The following ACVR1 variants were observed in gnomAD, a reference collection of about 807,000 sequenced individuals.
ACVR1 encodes activin receptor type-1.
A neutral mutation model predicts 57.1 loss-of-function variants in ACVR1; 38 were observed. The observed-to-expected ratio is 0.67, with a 90% confidence interval of 0.51 to 0.87. The LOEUF (loss-of-function observed/expected upper bound fraction) is 0.87. Among genes scored for constraint, ACVR1 ranks in the 40% least tolerant of loss-of-function variants. ACVR1 has a pLI of 0.00. For synonymous variants in ACVR1, 212 were observed against 228.1 expected (o/e 0.93, Z 0.63); for missense variants, 463 against 638.2 (o/e 0.73, Z 2.96).
At chr2:157,770,551 G>A in intron 6 of ACVR1, 37 bp from the exon 7 acceptor site, 1 of 1,612,934 alleles carries the variant, frequency 6.2e-7, no homozygotes, top group Non-Finnish European at 8.5e-7. Context: ...CAGAACAGTA[G>A]TCATTTTGGA....
chr2:157,741,499 C>T (rs903066718), intron 9 of ACVR1, among the ~76,000 whole-genome samples: 1 of 151,720 alleles, frequency 6.6e-6, no homozygotes, highest in Admixed American at 6.6e-5. Flanking sequence ...GTGGTGTGTG[C>T]GTGTAGTCCA....
At chr2:157,839,277 C>T (rs1045109983) in intron 1 of ACVR1, among the ~76,000 whole-genome samples, 2 of 152,206 alleles carry the variant, frequency 1.3e-5, no homozygotes, top group East Asian at 3.9e-4. Context: ...TCTATTGTCC[C>T]ACCCTGCAGG....
rs1686471471 is a variant in ACVR1 at position 157,780,580 on chromosome 2, G to A, written c.88C>T (p.Pro30Ser). 6.2e-7 allele frequency: 1 copy of A among 1,613,726 alleles called. No homozygotes were observed. The highest frequency in any genetic ancestry group is 8.5e-7 in the Non-Finnish European group (1 of 1,179,990). ...SMEDEKPKVN[P>S]KLYMCVCEGL... is the part of the protein sequence containing the mutation. ...TCACACACACACATGTAGAGTTTGG[G>A]GTTGACCTTGGGCTTCTCATCTGCA... The change falls in exon 4 of 11, where the codon CCC becomes TCC. Residue 30 changes from proline (P) to serine (S), a missense_variant. Physicochemically the swap from Pro to Ser is moderately conservative, Grantham distance 74 (BLOSUM62 -1). Transcript: ENST00000434821.
At chr2:157,835,969 G>A (rs1160129081) in intron 1 of ACVR1, among the ~76,000 whole-genome samples, 1 of 152,168 alleles carries the variant, frequency 6.6e-6, no homozygotes, top group African/African-American at 2.4e-5. Flanking sequence ...GAATACCATG[G>A]AGCCTTTCAA....
chr2:157,858,193 G>A (rs1160707250), intron 1 of ACVR1, among the ~76,000 whole-genome samples: 1 of 152,080 alleles, frequency 6.6e-6, no homozygotes, highest in Non-Finnish European at 1.5e-5. Flanking sequence ...GGGTTCTCAG[G>A]GCTACCTGGG....
chr2:157,778,191 G>T lies in ACVR1; in HGVS notation c.483C>A (p.Asp161Glu), dbSNP rs766295467. Residue 161 changes from aspartate to glutamate, a missense_variant, in exon 5 of 11, where the codon GAC becomes GAA. By Grantham distance (45) the Asp-to-Glu change is conservative (BLOSUM62 2). Around this residue, in one of 3 missense-constraint regions of ACVR1, gnomAD observed 203 missense variants for 235.5 expected, o/e 0.86. Coordinates refer to ENST00000434821, the MANE Select transcript of ACVR1 (RefSeq NM_001111067.4). ...GCCCTTCGATAGTGCCATACTCCAC[G>T]TCTCGGGGATTGAGGCGTTCTTGGT... ...RRNQERLNPR[D>E]VEYGTIEGLI... The T allele has an allele frequency of 6.2e-7, 1 of 1,613,968 alleles. No individual in the cohort carries two copies. Among genetic ancestry groups the T allele is most frequent in the Admixed American group, 1.7e-5 (1 of 60,006 alleles).
rs1469813721 is a variant in ACVR1 at position 157,876,284 on chromosome 2, C to T, written c.-671G>A. ...CGTCACAGAGAGTAGAAAAGTTCCC[C>T]CTGCGCCGAGGGGGAGGCTGCGGCG... On this transcript the variant is annotated 5_prime_UTR_variant, in exon 1 of 11. Transcript: ENST00000434821. Among the ~76,000 whole-genome samples, 46 of 145,384 alleles carry T rather than the reference C, an allele frequency of 3.2e-4. No homozygotes were observed. Among genetic ancestry groups the T allele is most frequent in the Non-Finnish European group, 4.6e-5 (3 of 65,624 alleles).
In ACVR1 at chr2:157,760,919, G is replaced by A; in HGVS notation, c.1225C>T (p.Leu409Phe). 1.9e-6 allele frequency: 3 copies of A among 1,614,066 alleles called. No homozygotes were observed. The highest frequency in any genetic ancestry group is 1.7e-6 in the Non-Finnish European group (2 of 1,179,980). ...CGCCTGGCCACTTCCCACAAAACAAGTCCAAAGGCCCAAATATCGACCCTT... is the reference window on the plus strand; with the variant it reads ...CGCCTGGCCACTTCCCACAAAACAAATCCAAAGGCCCAAATATCGACCCTT... ...YKRVDIWAFG[L>F]VLWEVARRMV... Residue 409 changes from leucine (L) to phenylalanine (F), a missense_variant, in exon 9 of 11, where the codon CTT becomes TTT. This residue lies in a region of ACVR1 where 146 missense variants were observed against 186.6 expected (regional missense o/e 0.78). Coordinates refer to ENST00000434821, the MANE Select transcript of ACVR1 (RefSeq NM_001111067.4).
intron 3 of ACVR1, among the ~76,000 whole-genome samples, chr2:157,784,682 G>A (rs1021939051): frequency 6.6e-6 from 1 of 152,196 alleles, no homozygotes; most frequent in Non-Finnish European, 1.5e-5. Flanking sequence ...GGACTGCTTC[G>A]GAACCGCCAG....
At chr2:157,770,607 T>C in intron 6 of ACVR1, 93 bp from the exon 7 acceptor site, 1 of 1,226,776 alleles carries the variant, frequency 8.2e-7, no homozygotes, top group Non-Finnish European at 1.2e-6. Flanking sequence ...TGCATGCAAC[T>C]CTTAATCCCT....
intron 1 of ACVR1, among the ~76,000 whole-genome samples, chr2:157,829,032 TGCTGGGATTACA>T (rs1401233925): frequency 1.3e-5 from 2 of 152,168 alleles, no homozygotes; most frequent in Non-Finnish European, 2.9e-5. Context: ...CCTCCCAAAG[TGCTGGGATTACA>T]GGCGTGAGCC....
At chr2:157,828,713 TATTTA>T (rs1425598757) in intron 1 of ACVR1, among the ~76,000 whole-genome samples, 5 of 152,370 alleles carry the variant, frequency 3.3e-5, no homozygotes, top group African/African-American at 2.4e-5. Context: ...TAATACTTTT[TATTTA>T]ATTTAGCAGT....
chr2:157,751,472 A>C (rs1420003250), intron 9 of ACVR1, among the ~76,000 whole-genome samples: 1 of 152,252 alleles, frequency 6.6e-6, no homozygotes, highest in Non-Finnish European at 1.5e-5. Flanking sequence ...AGGGGAGGGC[A>C]GGAATCCGGT....
intron 1 of ACVR1, among the ~76,000 whole-genome samples, chr2:157,851,529 G>C (rs1318624976): frequency 6.6e-6 from 1 of 152,076 alleles, no homozygotes; most frequent in African/African-American, 2.4e-5. Flanking sequence ...AAAGATATTA[G>C]GGGTGAATAT....
chr2:157,772,704 T>C (rs1444556833), intron 6 of ACVR1, among the ~76,000 whole-genome samples: 2 of 152,204 alleles, frequency 1.3e-5, no homozygotes, highest in African/African-American at 4.8e-5. Context: ...ATCCAGATAA[T>C]CTTGTTCATA....
At chr2:157,844,028 T>C (rs1332133352) in intron 1 of ACVR1, among the ~76,000 whole-genome samples, 3 of 152,212 alleles carry the variant, frequency 2.0e-5, no homozygotes, top group Admixed American at 6.5e-5. Flanking sequence ...CTAAGACCCA[T>C]GCTCACTGGT....
At chr2:157,802,151 G>A (rs1170253326) in intron 2 of ACVR1, among the ~76,000 whole-genome samples, 1 of 152,152 alleles carries the variant, frequency 6.6e-6, no homozygotes, top group Admixed American at 6.5e-5. Flanking sequence ...AAAAGAATCA[G>A]GAATCAGAAG....
chr2:157,820,483 T>G (rs184794594), intron 1 of ACVR1, among the ~76,000 whole-genome samples: 1 of 152,210 alleles, frequency 6.6e-6, no homozygotes, highest in Non-Finnish European at 1.5e-5. Flanking sequence ...TGAGAGTTAC[T>G]GTACTGGTAG....
intron 9 of ACVR1, among the ~76,000 whole-genome samples, chr2:157,742,373 C>T (rs554705905): frequency 1.3e-5 from 2 of 152,174 alleles, no homozygotes; most frequent in South Asian, 2.1e-4. Flanking sequence ...GGGGAAGAGG[C>T]GCTCTTAAAT....
Sources: gnomAD v4.1 joint callset for allele counts (sites outside exome capture counted in the v4.1 genomes callset) on GRCh38, gnomAD v4.1.1 for gene constraint, gnomAD v4.1.1 regional missense constraint, MANE v1.5 for transcripts, NCBI Gene and HGNC (gene_info 2026-07-23, HGNC 2026-07-21) for gene names.